The following CLEC4M variants were observed in gnomAD, a reference collection of about 807,000 sequenced individuals.
The protein encoded by CLEC4M is C-type lectin domain family 4 member M.
A neutral mutation model predicts 39.1 loss-of-function variants in CLEC4M; 25 were observed. The observed-to-expected ratio is 0.64, with a 90% CI of 0.47 to 0.89. CLEC4M has a LOEUF of 0.89. Among genes scored for constraint, CLEC4M ranks in the 40% least tolerant of loss-of-function variants. CLEC4M has a pLI of 0.00. For missense variants in CLEC4M, 353 were observed against 431.4 expected (o/e 0.82, Z 1.61); for synonymous variants, 155 against 177.4 (o/e 0.87, Z 1.00).
Position 7,766,646 on chromosome 19 carries a change from C to A in CLEC4M, c.785-10C>A. 1 of 1,614,200 alleles carries A rather than the reference C, an allele frequency of 6.2e-7. No homozygotes were observed. The highest frequency in any genetic ancestry group is 8.5e-7 in the Non-Finnish European group (1 of 1,180,010). The stretch of plus-strand genomic sequence containing the variant: ...ATCTGAGCCCAGCCCTGACCAGCCT[C>A]CCCCAACAGAACGCCTGTGCCGCCA... On this transcript the variant is annotated splice_polypyrimidine_tract_variant and intron_variant, in intron 4 of 6. Transcript: ENST00000327325.
intron 3 of CLEC4M, 40 bp from the exon 4 acceptor site, chr19:7,765,598 A>G: frequency 6.2e-7 from 1 of 1,612,820 alleles, no homozygotes; most frequent in South Asian, 1.1e-5. Context: ...GGCACACAGT[A>G]GGTGTTTAAT....
At position 7,769,039 on chromosome 19, in the gene CLEC4M, C is replaced by G. The variant is rs1219852463; in HGVS notation, c.*51C>G. ...CATTGTGGTATAGCAGAACTTCACC[C>G]ACTTGTAAGCCAGCGCTTCTTCTCT... On this transcript the variant is annotated 3_prime_UTR_variant, in exon 7 of 7. Coordinates refer to ENST00000327325, the MANE Select transcript of CLEC4M (RefSeq NM_014257.5). The G allele has an allele frequency of 1.9e-6, 3 of 1,578,824 alleles. No individual in the cohort carries two copies. Among genetic ancestry groups the G allele is most frequent in the Non-Finnish European group, 2.6e-6 (3 of 1,154,588 alleles).
intron 2 of CLEC4M, among the ~76,000 whole-genome samples, chr19:7,764,934 C>T (rs1187894844): frequency 6.6e-6 from 1 of 152,088 alleles, no homozygotes; most frequent in East Asian, 1.9e-4. Flanking sequence ...GACGCAGGTA[C>T]CTGGGTTCCT....
chr19:7,764,094 G>A (rs1166621836), intron 2 of CLEC4M, among the ~76,000 whole-genome samples: 1 of 152,020 alleles, frequency 6.6e-6, no homozygotes, highest in Non-Finnish European at 1.5e-5. Context: ...CAGAGATCAA[G>A]GGGTTGAGGA....
chr19:7,763,574 G>A (rs572670501), intron 2 of CLEC4M, 98 bp downstream of exon 2: 23 of 1,022,166 alleles, frequency 2.3e-5, no homozygotes, highest in Non-Finnish European at 3.2e-5. Flanking sequence ...CTGGGTTCTG[G>A]GGAAGGAAGG....
chr19:7,765,178 C>G lies in CLEC4M; in HGVS notation c.131-7C>G. 2 of 1,614,082 alleles carry G rather than the reference C, an allele frequency of 1.2e-6. No homozygotes were observed. Among genetic ancestry groups the G allele is most frequent in the East Asian group, 4.5e-5 (2 of 44,878 alleles). ...ACTGGCAGGCTGACGCATGTATCCT[C>G]TCTCAGGGTGTCTTGGCCATGGCGC... On this transcript the variant is annotated splice_polypyrimidine_tract_variant and splice_region_variant and intron_variant, in intron 2 of 6. Transcript: ENST00000327325.
intron 2 of CLEC4M, among the ~76,000 whole-genome samples, chr19:7,764,111 A>T (rs1366836456): frequency 1.3e-5 from 2 of 151,550 alleles, no homozygotes; most frequent in East Asian, 3.9e-4. Context: ...AGGAGGATTT[A>T]TTATTATTAT....
chr19:7,765,399 G>T, intron 3 of CLEC4M, 131 bp downstream of exon 3: 1 of 1,169,962 alleles, frequency 8.5e-7, no homozygotes, highest in Non-Finnish European at 1.2e-6. Flanking sequence ...GGTCTGTAGG[G>T]GCCTCTCCCA....
intron 2 of CLEC4M, 87 bp downstream of exon 2, chr19:7,763,563 C>T: frequency 8.6e-7 from 1 of 1,165,618 alleles, no homozygotes; most frequent in Non-Finnish European, 1.2e-6. Context: ...GGTCTGGAAT[C>T]CTGGGTTCTG....
Position 7,765,633 on chromosome 19 carries a change from C to T in CLEC4M, c.215-5C>T, listed in dbSNP as rs928795377. ...TAATTGCAGTTCCTTTTCTTCTTGG[C>T]CCAGTGTCCAAGGTCCCCAGCTCCC... On this transcript the variant is annotated splice_region_variant and splice_polypyrimidine_tract_variant and intron_variant, in intron 3 of 6. Transcript: ENST00000327325. 24 of 1,614,072 alleles carry T rather than the reference C, an allele frequency of 1.5e-5. No homozygotes were observed. The highest frequency in any genetic ancestry group is 1.9e-5 in the Non-Finnish European group (23 of 1,179,930).
intron 3 of CLEC4M, 111 bp downstream of exon 3, chr19:7,765,379 T>C: frequency 7.7e-7 from 1 of 1,307,040 alleles, no homozygotes; most frequent in Non-Finnish European, 1.1e-6. Context: ...GCCAAGATGT[T>C]GTCCCTGGGG....
chr19:7,766,006 T>C lies in CLEC4M; in HGVS notation c.583T>C (p.Leu195=), dbSNP rs142166281. 7.3e-4 allele frequency: 1,033 copies of C among 1,407,442 alleles called. 36 individuals carry two copies. In the African/African-American group the frequency reaches 0.014, roughly 19 times the overall value. The allele number at this position is 1,407,442 out of a possible 1,614,324, so 87.2% of individuals were successfully genotyped here. Residue 195 remains leucine (L), a synonymous_variant, in exon 4 of 7, where the codon TTG becomes CTG. Transcript: ENST00000327325. ...LTRLKAAVGE[L]PEKSKLQEIY... is the part of the protein sequence containing the mutation. ...CCGGCTGAAGGCTGCAGTGGGTGAG[T>C]TGCCAGAGAAATCCAAGCTGCAGGA...
chr19:7,767,233 C>G (rs2034317529), intron 5 of CLEC4M: 5 of 445,346 alleles, frequency 1.1e-5, no homozygotes, highest in Non-Finnish European at 2.1e-5. Context: ...TACATGAAAC[C>G]CAGTCAGGAG....
chr19:7,766,918 G>C, intron 5 of CLEC4M, 111 bp downstream of exon 5: 1 of 1,550,716 alleles, frequency 6.4e-7, no homozygotes. Flanking sequence ...TATTTGGAAA[G>C]ATGGGAAGAG....
In CLEC4M at chr19:7,765,233, T is replaced by C. The variant is rs2034200278; in HGVS notation, c.179T>C (p.Leu60Pro). Residue 60 changes from leucine (L) to proline (P), a missense_variant, in exon 3 of 7, where the codon CTC (leucine) becomes CCC (proline). Leu to Pro is a moderately conservative substitution (Grantham distance 98). This residue lies in a region of CLEC4M where 91 missense variants were observed against 77.8 expected (regional missense o/e 1.17). Transcript: ENST00000327325. ...GTGCTGCAACTCCTCTCCTTCATGC[T>C]CTTGGCTGGGGTCCTGGTGGCCATC... is the stretch of plus-strand genomic sequence containing the variant. ...ALVLQLLSFM[L>P]LAGVLVAILV... The C allele has an allele frequency of 3.1e-6, 5 of 1,614,150 alleles. No individual in the cohort carries two copies. The highest frequency in any genetic ancestry group is 1.1e-5 in the South Asian group (1 of 91,072).
intron 6 of CLEC4M, 53 bp downstream of exon 6, chr19:7,767,681 C>T (rs1025787336): frequency 2.0e-6 from 3 of 1,508,608 alleles, no homozygotes; most frequent in Non-Finnish European, 2.8e-6. Flanking sequence ...GTTCCTGCAA[C>T]TCTGACTTGA....
chr19:7,766,564 G>T (rs765624262), intron 4 of CLEC4M, 92 bp from the exon 5 acceptor site: 4 of 1,584,120 alleles, frequency 2.5e-6, no homozygotes, highest in Non-Finnish European at 3.4e-6. Context: ...AGTCAAGGAA[G>T]GGCCCTGATT....
chr19:7,765,512 T>C, intron 3 of CLEC4M, 126 bp from the exon 4 acceptor site: 1 of 1,459,684 alleles, frequency 6.9e-7, no homozygotes, highest in Non-Finnish European at 9.2e-7. Flanking sequence ...GTGTCAGTTT[T>C]CCTCATCTTC....
chr19:7,767,259 A>G (rs1555684656), intron 5 of CLEC4M: 1 of 484,146 alleles, frequency 2.1e-6, no homozygotes, highest in Non-Finnish European at 3.8e-6. Context: ...TCATGTGGAC[A>G]TGCAAAATAG....
Sources: gnomAD v4.1 joint callset for allele counts (sites outside exome capture counted in the v4.1 genomes callset) on GRCh38, gnomAD v4.1.1 for gene constraint, gnomAD v4.1.1 regional missense constraint, MANE v1.5 for transcripts, NCBI Gene and HGNC (gene_info 2026-07-23, HGNC 2026-07-21) for gene names.